Variants in XKR6 observed in about 807,000 individuals in gnomAD.
The protein encoded by XKR6 is XK related 6, also known as XK-related protein 6.
Under a neutral mutation model 56.7 loss-of-function variants are expected in XKR6, and 22 were observed. The ratio of observed to expected loss-of-function variants is 0.39; its 90% CI spans 0.28 to 0.55. XKR6 has a LOEUF of 0.55. Among genes scored for constraint, XKR6 ranks in the 20% least tolerant of loss-of-function variants. The probability of loss-of-function intolerance (pLI) is 0.66; values close to 1 mark genes in which losing one functional copy is unlikely to be tolerated. For synonymous variants in XKR6, 524 were observed against 387.8 expected (o/e 1.35, Z -4.13); for missense variants, 852 against 889.0 (o/e 0.96, Z 0.53).
chr8:11,014,244 A>T (rs10217059), intron 1 of XKR6, among the ~76,000 whole-genome samples: 70,400 of 152,138 alleles, frequency 0.46, 20,395 homozygotes, highest in African/African-American at 0.82. Context: ...ATCTTTATTA[A>T]GTGTGAGGAA....
chr8:11,116,023 T>A (rs535465004), intron 1 of XKR6, among the ~76,000 whole-genome samples: 1 of 152,224 alleles, frequency 6.6e-6, no homozygotes, highest in African/African-American at 2.4e-5. Flanking sequence ...ACAAGAACTA[T>A]TGGGAGTCAT....
chr8:11,147,033 T>C (rs1164071497), intron 1 of XKR6, among the ~76,000 whole-genome samples: 1 of 151,906 alleles, frequency 6.6e-6, no homozygotes, highest in Non-Finnish European at 1.5e-5. Flanking sequence ...CAATACTGTG[T>C]GGTATACTTA....
chr8:11,119,925 A>C (rs964865548), intron 1 of XKR6, among the ~76,000 whole-genome samples: 1 of 152,204 alleles, frequency 6.6e-6, no homozygotes, highest in South Asian at 2.1e-4. Context: ...ACAGAACCAA[A>C]GACAAAAACC....
intron 1 of XKR6, among the ~76,000 whole-genome samples, chr8:11,102,326 T>G (rs1219775955): frequency 6.6e-6 from 1 of 152,178 alleles, no homozygotes; most frequent in Non-Finnish European, 1.5e-5. Context: ...AACTCCATGC[T>G]TTGTGTCTTT....
At chr8:10,912,306 G>GTATA (rs535084135) in intron 2 of XKR6, among the ~76,000 whole-genome samples, 3,087 of 54,960 alleles carry the variant, frequency 0.056, 102 homozygotes, top group East Asian at 0.084. Context: ...AAGAGAGGGT[G>GTATA]TATATATATA....
At chr8:11,114,847 G>C (rs1375585391) in intron 1 of XKR6, among the ~76,000 whole-genome samples, 1 of 151,322 alleles carries the variant, frequency 6.6e-6, no homozygotes, top group South Asian at 2.1e-4. Context: ...ATATATTTTT[G>C]TGTATTCACA....
At chr8:10,939,711 T>A (rs1050110170) in intron 1 of XKR6, among the ~76,000 whole-genome samples, 16 of 152,224 alleles carry the variant, frequency 1.1e-4, no homozygotes, top group African/African-American at 3.1e-4. Flanking sequence ...CCTGCCCTAA[T>A]GCAGAGCTCT....
chr8:11,119,000 T>G (rs1349373854), intron 1 of XKR6, among the ~76,000 whole-genome samples: 3 of 152,190 alleles, frequency 2.0e-5, no homozygotes, highest in Non-Finnish European at 4.4e-5. Flanking sequence ...GAGATTCTGG[T>G]ATGTTGTGTC....
At chr8:11,080,185 G>C (rs1215962816) in intron 1 of XKR6, among the ~76,000 whole-genome samples, 1 of 151,266 alleles carries the variant, frequency 6.6e-6, no homozygotes, top group African/African-American at 2.4e-5. Flanking sequence ...AGATGACACA[G>C]ACTTTTGGTC....
chr8:11,030,312 G>A (rs1254471019), intron 1 of XKR6, among the ~76,000 whole-genome samples: 1 of 152,140 alleles, frequency 6.6e-6, no homozygotes, highest in Non-Finnish European at 1.5e-5. Flanking sequence ...AGAATCTGTG[G>A]ATCGTTCTAA....
Position 10,946,512 on chromosome 8 carries a change from C to A in XKR6, c.765-21682G>T, listed in dbSNP as rs111760220. 2.6e-5 allele frequency among the ~76,000 whole-genome samples: 4 copies of A among 152,084 alleles called. No homozygotes were observed. In the East Asian group the frequency reaches 7.8e-4, roughly 30 times the overall value. ...ATTTATCTAAAACACTAAGGAGGTT[C>A]TTCATCCACCCCTCCCACCCCTGGG... On this transcript the variant is annotated intron_variant, in intron 1 of 2. Coordinates refer to ENST00000416569, the MANE Select transcript of XKR6 (RefSeq NM_173683.4).
At chr8:11,184,665 G>C (rs1048371701) in intron 1 of XKR6, among the ~76,000 whole-genome samples, 8 of 152,164 alleles carry the variant, frequency 5.3e-5, no homozygotes, top group Admixed American at 1.3e-4. Flanking sequence ...GTCATATTTA[G>C]ATATTTAACA....
intron 1 of XKR6, among the ~76,000 whole-genome samples, chr8:10,987,260 A>G (rs893630846): frequency 6.6e-6 from 1 of 152,208 alleles, no homozygotes; most frequent in Non-Finnish European, 1.5e-5. Context: ...AGAGGCACTT[A>G]CAGTCCTGGA....
chr8:10,935,097 C>A (rs371244627), intron 1 of XKR6, among the ~76,000 whole-genome samples: 2 of 70,366 alleles, frequency 2.8e-5, no homozygotes, highest in East Asian at 4.1e-4. Flanking sequence ...GGTCTATTCA[C>A]AGATTCAACT....
chr8:11,130,951 GAGC>G (rs1800073899), intron 1 of XKR6, among the ~76,000 whole-genome samples: 1 of 152,152 alleles, frequency 6.6e-6, no homozygotes, highest in Non-Finnish European at 1.5e-5. Context: ...ACCTAATTCT[GAGC>G]AGAAGACCAA....
Position 11,165,373 on chromosome 8 carries a change from C to A in XKR6, c.764+35203G>T, listed in dbSNP as rs184058656. On this transcript the variant is annotated intron_variant, in intron 1 of 2. Transcript: ENST00000416569. The stretch of plus-strand genomic sequence containing the variant: ...TCGGCTTCCCAAAGTGCTAGGATTA[C>A]GGGCATGAGCCACAGTGCCCAGCTG... 8.5e-5 allele frequency among the ~76,000 whole-genome samples: 13 copies of A among 152,166 alleles called. 2 individuals carry two copies. The highest frequency in any genetic ancestry group is 2.9e-4 in the African/African-American group (12 of 41,502).
At chr8:11,101,381 C>G (rs994236516) in intron 1 of XKR6, among the ~76,000 whole-genome samples, 1 of 152,116 alleles carries the variant, frequency 6.6e-6, no homozygotes, top group East Asian at 1.9e-4. Context: ...CGGCTGAGAA[C>G]AAAGGAATCT....
chr8:11,123,644 G>C (rs759371376), intron 1 of XKR6: 37 of 334,568 alleles, frequency 1.1e-4, no homozygotes, highest in Non-Finnish European at 2.2e-4. Flanking sequence ...GCTATATAAA[G>C]TTTAAAATAC....
chr8:11,031,374 C>G (rs982867310), intron 1 of XKR6, among the ~76,000 whole-genome samples: 3 of 152,200 alleles, frequency 2.0e-5, no homozygotes, highest in African/African-American at 7.2e-5. Flanking sequence ...CCAGTGGGTT[C>G]TCTTCAACTA....
Sources: gnomAD v4.1 joint callset for allele counts (sites outside exome capture counted in the v4.1 genomes callset) on GRCh38, gnomAD v4.1.1 for gene constraint, MANE v1.5 for transcripts, NCBI Gene and HGNC (gene_info 2026-07-23, HGNC 2026-07-21) for gene names.